The following CFDP1 variants were observed in gnomAD, a reference collection of about 807,000 sequenced individuals.
The protein encoded by CFDP1 is heterochromatin-stabilizing protein CFDP1.
A neutral mutation model predicts 40.1 loss-of-function variants in CFDP1; 31 were observed. The observed-to-expected ratio is 0.77, with a 90% confidence interval of 0.58 to 1.04. The LOEUF is 1.04. CFDP1 is among the 50% of genes least tolerant of loss of function. The pLI, the probability that CFDP1 is intolerant of heterozygous loss-of-function variation, is 0.00. For missense variants in CFDP1, 423 were observed against 343.4 expected (o/e 1.23, Z -1.83); for synonymous variants, 167 against 120.0 (o/e 1.39, Z -2.56).
chr16:75,323,962 A>G (rs1424817892), intron 5 of CFDP1, among the ~76,000 whole-genome samples: 2 of 152,200 alleles, frequency 1.3e-5, no homozygotes, highest in Admixed American at 6.5e-5. Context: ...TCAAGTAAGT[A>G]ACCAATTAGT....
At chr16:75,388,957 A>C (rs915080387) in intron 5 of CFDP1, among the ~76,000 whole-genome samples, 55 of 152,078 alleles carry the variant, frequency 3.6e-4, no homozygotes, top group African/African-American at 1.2e-3. Flanking sequence ...TCAAGAAAAC[A>C]AGGCTAAAAC....
At chr16:75,409,763 G>C (rs2079139911) in intron 4 of CFDP1, among the ~76,000 whole-genome samples, 1 of 152,112 alleles carries the variant, frequency 6.6e-6, no homozygotes, top group African/African-American at 2.4e-5. Context: ...GATATAGATG[G>C]TGAGAGAGAG....
At chr16:75,372,394 G>C (rs888187077) in intron 5 of CFDP1, 1 of 152,188 alleles carries the variant, frequency 6.6e-6, no homozygotes, top group Non-Finnish European at 1.5e-5. Context: ...GGCCAGGAGT[G>C]CTGACCAGCC....
intron 4 of CFDP1, among the ~76,000 whole-genome samples, chr16:75,401,153 G>A (rs967276420): frequency 6.6e-6 from 1 of 151,728 alleles, no homozygotes; most frequent in African/African-American, 2.4e-5. Context: ...AATTGGCTGG[G>A]CGCAGTGGCT....
At chr16:75,325,862 C>T (rs2078397556) in intron 5 of CFDP1, among the ~76,000 whole-genome samples, 1 of 152,192 alleles carries the variant, frequency 6.6e-6, no homozygotes, top group Non-Finnish European at 1.5e-5. Context: ...TCAGAGCAAG[C>T]ACAGGGAACC....
At chr16:75,427,537 C>T (rs2079355202) in intron 1 of CFDP1, among the ~76,000 whole-genome samples, 1 of 152,164 alleles carries the variant, frequency 6.6e-6, no homozygotes, top group African/African-American at 2.4e-5. Context: ...AGGCATGAGC[C>T]ACCGCGCTCG....
intron 5 of CFDP1, among the ~76,000 whole-genome samples, chr16:75,361,452 A>G (rs1295830746): frequency 6.6e-6 from 1 of 152,138 alleles, no homozygotes; most frequent in East Asian, 1.9e-4. Context: ...CCCCACGTAC[A>G]CTAAAAATAC....
intron 5 of CFDP1, among the ~76,000 whole-genome samples, chr16:75,337,150 G>C (rs537591514): frequency 8.5e-5 from 13 of 152,314 alleles, no homozygotes; most frequent in Admixed American, 5.2e-4. Context: ...TTCCTACTAA[G>C]GCAGGTACTA....
At chr16:75,304,883 A>T in intron 6 of CFDP1, 141 bp downstream of exon 6, 1 of 892,334 alleles carries the variant, frequency 1.1e-6, no homozygotes, top group Non-Finnish European at 1.7e-6. Flanking sequence ...ACAGAGACTT[A>T]CTGACAAACC....
intron 5 of CFDP1, among the ~76,000 whole-genome samples, chr16:75,361,110 A>C (rs984044880): frequency 6.6e-6 from 1 of 152,030 alleles, no homozygotes; most frequent in Non-Finnish European, 1.5e-5. Flanking sequence ...CCTGGGTTCA[A>C]GTGATTCTCC....
intron 4 of CFDP1, among the ~76,000 whole-genome samples, chr16:75,396,944 C>T (rs903055429): frequency 1.2e-4 from 19 of 152,086 alleles, no homozygotes; most frequent in East Asian, 9.8e-4. Flanking sequence ...GATGGAGTCT[C>T]GCTCTGTCGC....
chr16:75,325,806 G>C (rs182992178), intron 5 of CFDP1, among the ~76,000 whole-genome samples: 85 of 152,290 alleles, frequency 5.6e-4, no homozygotes, highest in Admixed American at 4.6e-3. Context: ...TAACCTCTTA[G>C]TTGCTACTCA....
intron 5 of CFDP1, among the ~76,000 whole-genome samples, chr16:75,354,652 A>AG (rs1255509724): frequency 2.0e-5 from 3 of 151,842 alleles, no homozygotes; most frequent in African/African-American, 7.2e-5. Flanking sequence ...CTCTTCTGTA[A>AG]GTCTAAAATG....
rs771282867 is a variant in CFDP1 at position 75,412,581 on chromosome 16, T to A, written c.356A>T (p.Asn119Ile). Residue 119 changes from asparagine to isoleucine, a missense_variant, in exon 3 of 7, where the codon AAT becomes ATT. Physicochemically the swap from Asn to Ile is moderately radical, Grantham distance 149 (BLOSUM62 -3). Transcript: ENST00000283882. ...KEDELWASFLNDVGPKSKVPP... is the reference protein window; with the variant it reads ...KEDELWASFLIDVGPKSKVPP... The stretch of plus-strand genomic sequence containing the variant: ...CACTTTTGATTTTGGTCCCACATCA[T>A]TGAGGAAGCTGGCCCAGAGTTCGTC... 2.5e-6 allele frequency: 4 copies of A among 1,614,074 alleles called. No homozygotes were observed. The Admixed American group carries it at 5.0e-5, about 20-fold the overall frequency.
At chr16:75,294,098 T>A in intron 6 of CFDP1, 56 bp from the exon 7 acceptor site, 1 of 1,304,972 alleles carries the variant, frequency 7.7e-7, no homozygotes, top group East Asian at 2.3e-5. Context: ...ACTCCTCCCC[T>A]GCACAGTCCC....
At chr16:75,366,891 T>G (rs547892648) in intron 5 of CFDP1, among the ~76,000 whole-genome samples, 1 of 152,062 alleles carries the variant, frequency 6.6e-6, no homozygotes, top group Admixed American at 6.5e-5. Flanking sequence ...AGGCCGGGTG[T>G]GGTGGCTCAC....
chr16:75,386,404 G>A (rs2078898152), intron 5 of CFDP1, among the ~76,000 whole-genome samples: 3 of 152,132 alleles, frequency 2.0e-5, no homozygotes, highest in African/African-American at 7.2e-5. Context: ...TCATCCTGGT[G>A]ACCACAAATG....
At chr16:75,430,417 C>T (rs760806060) in intron 1 of CFDP1, among the ~76,000 whole-genome samples, 1 of 151,444 alleles carries the variant, frequency 6.6e-6, no homozygotes, top group Non-Finnish European at 1.5e-5. Context: ...GCAATCCGCC[C>T]ACCACAGCCT....
At chr16:75,376,126 T>C (rs1040311314) in intron 5 of CFDP1, among the ~76,000 whole-genome samples, 3 of 152,016 alleles carry the variant, frequency 2.0e-5, no homozygotes, top group African/African-American at 7.2e-5. Context: ...TGGGAAGATC[T>C]CTTGAGCCAC....
Sources: allele counts gnomAD v4.1 joint callset (sites outside exome capture counted in the v4.1 genomes callset), GRCh38; gene constraint gnomAD v4.1.1; transcripts MANE v1.5; gene names NCBI Gene and HGNC (gene_info 2026-07-23, HGNC 2026-07-21).